VAV3: variants seen among roughly 807,000 people sequenced by gnomAD.
VAV3 encodes vav guanine nucleotide exchange factor 3, also known as guanine nucleotide exchange factor VAV3.
In VAV3, 94 loss-of-function variants were observed where a neutral mutation model predicts 131.2. That is an observed-to-expected ratio of 0.72 (90% CI 0.61 to 0.85). VAV3 has a LOEUF of 0.85. Among genes scored for constraint, VAV3 ranks in the 40% least tolerant of loss-of-function variants. The pLI, the probability that VAV3 is intolerant of heterozygous loss-of-function variation, is 0.00. For synonymous variants in VAV3, 349 were observed against 342.0 expected, an observed-to-expected ratio of 1.02 and a Z score of -0.22; for missense variants, 939 against 1,002.7, an observed-to-expected ratio of 0.94 and a Z score of 0.86.
intron 19 of VAV3, among the ~76,000 whole-genome samples, chr1:107,678,922 T>C (rs925776960): frequency 2.6e-5 from 4 of 152,058 alleles, no homozygotes; most frequent in African/African-American, 9.6e-5. Context: ...GTATATAATA[T>C]TTAAAAATTT....
intron 17 of VAV3, among the ~76,000 whole-genome samples, chr1:107,693,599 A>C (rs1659569016): frequency 6.6e-6 from 1 of 152,200 alleles, no homozygotes; most frequent in Admixed American, 6.5e-5. Flanking sequence ...CTTGAACAAA[A>C]AGAAGTGTTA....
intron 1 of VAV3, among the ~76,000 whole-genome samples, chr1:107,902,989 G>T (rs559954073): frequency 1.3e-5 from 2 of 152,198 alleles, no homozygotes; most frequent in East Asian, 3.9e-4. Flanking sequence ...CATAAAGGCA[G>T]AATTGAAATG....
Position 107,603,138 on chromosome 1 carries a change from G to T in VAV3, c.2041C>A (p.Gln681Lys), listed in dbSNP as rs758600345. The change falls in exon 23 of 27, where the codon CAA becomes AAA. Residue 681 changes from glutamine to lysine, a missense_variant. Transcript: ENST00000370056. ...PWYAGAMERL[Q>K]AETELINRVN... Reference sequence around the variant, plus strand: ...CTATTAATAAGTTCGGTCTCTGCTTGCAATCTTTCCATTGCTCCAGCATAC... The same window carrying T: ...CTATTAATAAGTTCGGTCTCTGCTTTCAATCTTTCCATTGCTCCAGCATAC... 1.2e-6 allele frequency: 2 copies of T among 1,613,080 alleles called. No homozygotes were observed. Among genetic ancestry groups the T allele is most frequent in the Non-Finnish European group, 1.7e-6 (2 of 1,179,604 alleles).
At chr1:107,954,219 G>GA (rs1019783163) in intron 1 of VAV3, among the ~76,000 whole-genome samples, 3 of 151,836 alleles carry the variant, frequency 2.0e-5, no homozygotes, top group Non-Finnish European at 4.4e-5. Context: ...ATTTATAATA[G>GA]AAAAAAAATG....
At chr1:107,598,533 C>A (rs1274570812) in intron 24 of VAV3, among the ~76,000 whole-genome samples, 1 of 152,138 alleles carries the variant, frequency 6.6e-6, no homozygotes, top group East Asian at 1.9e-4. Flanking sequence ...TTCTTCCTTT[C>A]TTCCTTGGGC....
At chr1:107,691,386 T>G (rs920912338) in intron 17 of VAV3, among the ~76,000 whole-genome samples, 1 of 152,172 alleles carries the variant, frequency 6.6e-6, no homozygotes, top group Non-Finnish European at 1.5e-5. Context: ...GAAACTACTA[T>G]GGTGGGCACT....
intron 1 of VAV3, among the ~76,000 whole-genome samples, chr1:107,964,042 T>C (rs898225518): frequency 6.6e-6 from 1 of 152,212 alleles, no homozygotes; most frequent in African/African-American, 2.4e-5. Flanking sequence ...GAGGCTGGAC[T>C]CGCTCCTTCT....
At chr1:107,736,662 T>A (rs1662657815) in intron 15 of VAV3, among the ~76,000 whole-genome samples, 1 of 152,054 alleles carries the variant, frequency 6.6e-6, no homozygotes, top group Non-Finnish European at 1.5e-5. Flanking sequence ...GTGAAGGATG[T>A]CTTCAAGGAG....
intron 15 of VAV3, among the ~76,000 whole-genome samples, chr1:107,721,008 G>A (rs1225057528): frequency 6.6e-6 from 1 of 152,204 alleles, no homozygotes; most frequent in African/African-American, 2.4e-5. Flanking sequence ...GAGTAGGAGA[G>A]AAGAGATCAG....
At chr1:107,630,348 AGGAT>A (rs112495050) in intron 20 of VAV3, among the ~76,000 whole-genome samples, 12 of 150,678 alleles carry the variant, frequency 8.0e-5, no homozygotes, top group African/African-American at 2.2e-4. Flanking sequence ...AATGGATGGG[AGGAT>A]GGATGGATGG....
At chr1:107,760,654 TATAATA>T (rs1557827856) in intron 10 of VAV3, 124 bp downstream of exon 10, 7 of 618,496 alleles carry the variant, frequency 1.1e-5, no homozygotes, top group Admixed American at 3.3e-5. Flanking sequence ...CCCACTTAAC[TATAATA>T]ATAATTCAAA....
intron 15 of VAV3, among the ~76,000 whole-genome samples, chr1:107,741,755 A>T (rs1001871088): frequency 6.6e-6 from 1 of 152,188 alleles, no homozygotes; most frequent in Admixed American, 6.5e-5. Context: ...CTAAAACTGG[A>T]ATCTGGGCTA....
At chr1:107,954,564 C>A (rs964172492) in intron 1 of VAV3, among the ~76,000 whole-genome samples, 1 of 134,862 alleles carries the variant, frequency 7.4e-6, no homozygotes, top group Non-Finnish European at 1.5e-5. Context: ...GAGATGAAGT[C>A]TTGCTCTGTT....
intron 14 of VAV3, among the ~76,000 whole-genome samples, 184 bp from the exon 15 acceptor site, chr1:107,749,261 T>A (rs1663553143): frequency 1.3e-5 from 2 of 152,224 alleles, no homozygotes; most frequent in South Asian, 2.1e-4. Flanking sequence ...TTTTATTATC[T>A]GGATCATTAG....
intron 20 of VAV3, among the ~76,000 whole-genome samples, chr1:107,621,894 G>C (rs893569529): frequency 6.6e-6 from 1 of 152,100 alleles, no homozygotes; most frequent in Non-Finnish European, 1.5e-5. Flanking sequence ...TGTACTATGT[G>C]ATGAGACTTT....
At chr1:107,655,621 G>T (rs372116407) in intron 19 of VAV3, among the ~76,000 whole-genome samples, 1 of 151,914 alleles carries the variant, frequency 6.6e-6, no homozygotes, top group Admixed American at 6.6e-5. Context: ...AATAGAACAC[G>T]ATTACATTAA....
intron 18 of VAV3, among the ~76,000 whole-genome samples, chr1:107,687,344 G>T (rs1007465539): frequency 2.8e-4 from 43 of 151,912 alleles, no homozygotes; most frequent in African/African-American, 9.4e-4. Context: ...ATATTTTGCT[G>T]TACTTTTTCT....
chr1:107,927,804 C>A (rs1673235642), intron 1 of VAV3, among the ~76,000 whole-genome samples: 1 of 152,164 alleles, frequency 6.6e-6, no homozygotes, highest in South Asian at 2.1e-4. Flanking sequence ...GGACTCCAGT[C>A]CCTGGCTCCC....
In VAV3 at chr1:107,775,336, G is replaced by A. The variant is rs928711575; in HGVS notation, c.446+1895C>T. Among the ~76,000 whole-genome samples the A allele has an allele frequency of 5.9e-5, 9 of 152,136 alleles. No individual in the cohort carries two copies. In the South Asian group the frequency reaches 8.3e-4, roughly 14 times the overall value. ...TGGTTCACACCTGTAGTCCCAGCAC[G>A]TTGGGACACCAAGGCAGGTGGATCA... is the stretch of plus-strand genomic sequence containing the variant. On this transcript the variant is annotated intron_variant, in intron 4 of 26. Coordinates refer to ENST00000370056, the MANE Select transcript of VAV3 (RefSeq NM_006113.5).
Sources: allele counts gnomAD v4.1 joint callset (sites outside exome capture counted in the v4.1 genomes callset), GRCh38; gene constraint gnomAD v4.1.1; transcripts MANE v1.5; gene names NCBI Gene and HGNC (gene_info 2026-07-23, HGNC 2026-07-21).